The following TRPC5 variants were observed in gnomAD, a reference collection of about 807,000 sequenced individuals.
The protein encoded by TRPC5 is short transient receptor potential channel 5.
TRPC5 carries 9 observed loss-of-function variants against 56.5 expected under a neutral mutation model. That is an observed-to-expected ratio of 0.16 (90% CI 0.10 to 0.28). The LOEUF (loss-of-function observed/expected upper bound fraction) is 0.28. Among genes scored for constraint, TRPC5 ranks in the 10% least tolerant of loss-of-function variants. The pLI is 1.00. For missense variants in TRPC5, 469 were observed against 748.9 expected, an observed-to-expected ratio of 0.63 and a Z score of 4.36; for synonymous variants, 282 against 278.5, an observed-to-expected ratio of 1.01 and a Z score of -0.13.
At chrX:111,954,021 G>A (rs1340775915) in intron 1 of TRPC5, among the ~76,000 whole-genome samples, 1 of 112,051 alleles carries the variant, frequency 8.9e-6, no homozygotes, top group Non-Finnish European at 1.9e-5. Flanking sequence ...AGAAGAGGGT[G>A]CTGTTTCACT....
chrX:112,002,583 G>T (rs767418305), intron 1 of TRPC5, among the ~76,000 whole-genome samples: 21 of 111,944 alleles, frequency 1.9e-4, no homozygotes, highest in Non-Finnish European at 3.6e-4. Flanking sequence ...TAGAGCTGAA[G>T]CAGCCTATTG....
At chrX:111,950,263 T>G (rs772717550) in intron 2 of TRPC5, among the ~76,000 whole-genome samples, 3 of 109,211 alleles carry the variant, frequency 2.7e-5, no homozygotes, top group African/African-American at 1.0e-4. Flanking sequence ...AGGTGGAGCT[T>G]GCAGTGAGCC....
intron 2 of TRPC5, among the ~76,000 whole-genome samples, chrX:111,919,296 A>G (rs149831744): frequency 0.093 from 10,374 of 111,820 alleles, 1,171 homozygotes; most frequent in African/African-American, 0.32. Context: ...AGCAGGACAT[A>G]GGTGGGGACA....
intron 1 of TRPC5, among the ~76,000 whole-genome samples, chrX:111,998,010 T>G (rs1474431190): frequency 9.0e-6 from 1 of 111,659 alleles, no homozygotes; most frequent in Non-Finnish European, 1.9e-5. Flanking sequence ...ATCGAAGTCA[T>G]TCTCTGTCCA....
intron 7 of TRPC5, among the ~76,000 whole-genome samples, chrX:111,828,610 T>C (rs1569526008): frequency 9.0e-6 from 1 of 111,300 alleles, no homozygotes; most frequent in East Asian, 2.8e-4. Flanking sequence ...TAAAGATACC[T>C]GAGAATGGGG....
chrX:111,856,052 A>G (rs1264958029), intron 3 of TRPC5, among the ~76,000 whole-genome samples: 1 of 111,562 alleles, frequency 9.0e-6, no homozygotes, highest in African/African-American at 3.3e-5. Flanking sequence ...AAAAGAAAAG[A>G]GAGTAAACCG....
intron 3 of TRPC5, among the ~76,000 whole-genome samples, chrX:111,865,332 C>CT (rs60615139): frequency 0.031 from 2,871 of 93,950 alleles, 45 homozygotes; most frequent in Admixed American, 0.044. Flanking sequence ...CTAGCAGCTT[C>CT]TTTTTTTTTT....
intron 3 of TRPC5, chrX:111,901,983 G>C (rs952943889): frequency 8.7e-7 from 1 of 1,155,484 alleles, no homozygotes; most frequent in Admixed American, 2.6e-5. Flanking sequence ...GAAAATGGTA[G>C]AGCAGAAGAG....
chrX:111,822,107 C>T (rs996799249), intron 7 of TRPC5, among the ~76,000 whole-genome samples: 2 of 111,695 alleles, frequency 1.8e-5, no homozygotes, highest in Non-Finnish European at 3.8e-5. Context: ...GACTTGGGGA[C>T]TATTACACCG....
chrX:111,906,521 G>A (rs773600717), intron 3 of TRPC5, among the ~76,000 whole-genome samples: 2 of 111,152 alleles, frequency 1.8e-5, no homozygotes, highest in Admixed American at 9.6e-5. Context: ...CTATAACTTC[G>A]AAGTTTTTAA....
intron 1 of TRPC5, among the ~76,000 whole-genome samples, chrX:111,999,076 A>C (rs1317117850): frequency 4.5e-5 from 5 of 111,143 alleles, no homozygotes; most frequent in Non-Finnish European, 9.4e-5. Context: ...TATTTGTCCT[A>C]AAGCTCTCCC....
chrX:111,992,610 A>ATTG (rs1179148368), intron 1 of TRPC5, among the ~76,000 whole-genome samples: 1 of 107,779 alleles, frequency 9.3e-6, no homozygotes, highest in African/African-American at 3.4e-5. Flanking sequence ...TATTATTATT[A>ATTG]TTATTATTTT....
intron 2 of TRPC5, among the ~76,000 whole-genome samples, chrX:111,928,841 G>T (rs943874160): frequency 2.7e-5 from 3 of 112,175 alleles, no homozygotes; most frequent in African/African-American, 9.7e-5. Context: ...TGAAACTTGA[G>T]AAAGCAAAGA....
intron 3 of TRPC5, among the ~76,000 whole-genome samples, chrX:111,860,691 T>G (rs2148589378): frequency 8.9e-6 from 1 of 112,581 alleles, no homozygotes; most frequent in Admixed American, 9.4e-5. Flanking sequence ...TAATTGTGAT[T>G]AATAGCACAT....
intron 2 of TRPC5, among the ~76,000 whole-genome samples, chrX:111,922,447 G>T: frequency 9.0e-6 from 1 of 111,716 alleles, no homozygotes. Flanking sequence ...ATCCTAACAT[G>T]CCAGATAAAA....
rs914448676 is a variant in TRPC5, at chrX:111,773,062, A to G, written c.*3251T>C. ...TAAAAATGATTTAATCAAATTGCAG[A>G]CAGGTATTTACGACTTAGCTGAAAT... is the stretch of plus-strand genomic sequence containing the variant. On this transcript the variant is annotated 3_prime_UTR_variant, in exon 11 of 11. Transcript: ENST00000262839. Among the ~76,000 whole-genome samples the G allele has an allele frequency of 1.8e-5, 2 of 112,092 alleles. No homozygotes were observed. The highest frequency in any genetic ancestry group is 3.2e-5 in the African/African-American group (1 of 30,877).
chrX:111,857,028 T>C (rs1379671075), intron 3 of TRPC5, among the ~76,000 whole-genome samples: 2 of 110,852 alleles, frequency 1.8e-5, no homozygotes, highest in Non-Finnish European at 3.8e-5. Flanking sequence ...CCTTGTAGGG[T>C]TGGTGTGAGG....
chrX:111,981,863 G>C (rs1928090678), intron 1 of TRPC5, among the ~76,000 whole-genome samples: 1 of 111,869 alleles, frequency 8.9e-6, no homozygotes, highest in African/African-American at 3.2e-5. Flanking sequence ...ATATGGTTTG[G>C]CTCTGTGTGC....
rs1569524971 is a variant in TRPC5 at position 111,776,527 on chromosome X, T to A, written c.2708A>T (p.Glu903Val). 8.3e-7 allele frequency: 1 copy of A among 1,209,770 alleles called. No homozygotes were observed. Among genetic ancestry groups the A allele is most frequent in the African/African-American group, 1.7e-5 (1 of 57,212 alleles). ...GCCCTGGACTTCACCTAATTCTACC[T>A]CACTGAGGTTAATTTCACTTTGAGA... ...ACSQSEINLS[E>V]VELGEVQGAA... Residue 903 changes from glutamate to valine, a missense_variant, in exon 11 of 11, where the codon GAG becomes GTG. Around this residue, in one of 3 missense-constraint regions of TRPC5, gnomAD observed 194 missense variants for 221.8 expected, o/e 0.87. Coordinates refer to ENST00000262839, the MANE Select transcript of TRPC5 (RefSeq NM_012471.3).
Sources: allele counts gnomAD v4.1 joint callset (sites outside exome capture counted in the v4.1 genomes callset), GRCh38; gene constraint gnomAD v4.1.1; regional missense constraint gnomAD v4.1.1; transcripts MANE v1.5; gene names NCBI Gene and HGNC (gene_info 2026-07-23, HGNC 2026-07-21).